Variants in ARMC2 observed in about 807,000 individuals in gnomAD.
The protein encoded by ARMC2 is armadillo repeat containing 2.
ARMC2 carries 67 observed loss-of-function variants against 90.3 expected under a neutral mutation model. That is an observed-to-expected ratio of 0.74 (90% confidence interval 0.61 to 0.91). The LOEUF (loss-of-function observed/expected upper bound fraction) is 0.91. Ranked by LOEUF, ARMC2 falls within the 40% of genes least tolerant of loss-of-function variation. ARMC2 has a pLI of 0.00. For missense variants in ARMC2, 920 were observed against 1,030.9 expected (o/e 0.89, Z 1.47); for synonymous variants, 393 against 393.0 (o/e 1.00, Z 0.00).
At chr6:108,884,445 G>T (rs572770824) in intron 5 of ARMC2, among the ~76,000 whole-genome samples, 1 of 152,246 alleles carries the variant, frequency 6.6e-6, no homozygotes, top group East Asian at 1.9e-4. Context: ...ACTGAAAGAA[G>T]GTATACTGAA....
intron 10 of ARMC2, among the ~76,000 whole-genome samples, chr6:108,920,327 T>G (rs1774429214): frequency 6.6e-6 from 1 of 152,066 alleles, no homozygotes; most frequent in Non-Finnish European, 1.5e-5. Context: ...GTAGATGGGA[T>G]TACAGGCACG....
chr6:109,035,909 C>T, the ARMC2 span, among the ~76,000 whole-genome samples: 91 of 152,280 alleles, frequency 6.0e-4, 1 homozygote, highest in East Asian at 0.018. Context: ...ACCACTATCA[C>T]ATATTAATGA....
At chr6:108,865,776 T>C (rs1775750485) in intron 3 of ARMC2, among the ~76,000 whole-genome samples, 1 of 152,098 alleles carries the variant, frequency 6.6e-6, no homozygotes, top group South Asian at 2.1e-4. Context: ...TCCAGCACTT[T>C]GGGAGGCCAA....
chr6:108,864,552 C>A lies in ARMC2; in HGVS notation c.292-4272C>A, dbSNP rs186688736. 1.9e-3 allele frequency among the ~76,000 whole-genome samples: 289 copies of A among 152,054 alleles called. 2 individuals are homozygous for A. The highest frequency in any genetic ancestry group is 5.9e-4 in the Non-Finnish European group (40 of 67,928). On this transcript the variant is annotated intron_variant, in intron 3 of 17. Transcript: ENST00000392644. The stretch of plus-strand genomic sequence containing the variant: ...ATGAGCCACCACGCCTGGCGGCTTG[C>A]GAGAATGTTTAATATTTGCTTTCTG...
At chr6:108,889,789 C>T (rs1220222218) in intron 5 of ARMC2, among the ~76,000 whole-genome samples, 2 of 151,766 alleles carry the variant, frequency 1.3e-5, no homozygotes, top group African/African-American at 4.9e-5. Flanking sequence ...TCCACTTCTC[C>T]CACTCACTAA....
intron 12 of ARMC2, among the ~76,000 whole-genome samples, chr6:108,950,243 A>G (rs1348302434): frequency 2.0e-5 from 3 of 152,156 alleles, no homozygotes; most frequent in East Asian, 1.9e-4. Context: ...ACTTAGAACC[A>G]TTTGACCCAG....
At chr6:109,045,023 C>CA in the ARMC2 span, among the ~76,000 whole-genome samples, 299 of 140,852 alleles carry the variant, frequency 2.1e-3, 1 homozygote, top group South Asian at 8.6e-3. Context: ...GACTCCATTT[C>CA]AAAAAAAAAA....
At chr6:108,934,545 T>A (rs886319533) in intron 11 of ARMC2, among the ~76,000 whole-genome samples, 2 of 152,204 alleles carry the variant, frequency 1.3e-5, no homozygotes, top group African/African-American at 4.8e-5. Context: ...ATTTTTTCTC[T>A]TTCCTAGAAG....
chr6:109,000,359 G>T, the ARMC2 span: 1 of 564,624 alleles, frequency 1.8e-6, no homozygotes, highest in South Asian at 4.8e-5. Context: ...AAGAAAATGT[G>T]CATCTGTGGG....
At chr6:108,963,281 C>A (rs904854884) in intron 15 of ARMC2, among the ~76,000 whole-genome samples, 5 of 152,168 alleles carry the variant, frequency 3.3e-5, no homozygotes, top group African/African-American at 1.2e-4. Flanking sequence ...TTTCATGTAA[C>A]AATAATTTTA....
At chr6:108,930,343 AT>A (rs979816713) in intron 11 of ARMC2, among the ~76,000 whole-genome samples, 4 of 150,680 alleles carry the variant, frequency 2.7e-5, no homozygotes, top group Admixed American at 6.6e-5. Context: ...TCTACATATA[AT>A]TTTTTTTTCA....
chr6:109,005,932 G>A, the ARMC2 span, among the ~76,000 whole-genome samples: 1 of 152,142 alleles, frequency 6.6e-6, no homozygotes, highest in Admixed American at 6.5e-5. Flanking sequence ...AGGAAGAGAG[G>A]GTAAAGTGGG....
At chr6:109,041,412 ATACT>A in the ARMC2 span, among the ~76,000 whole-genome samples, 1 of 152,234 alleles carries the variant, frequency 6.6e-6, no homozygotes, top group Non-Finnish European at 1.5e-5. Context: ...TCTACCAAAC[ATACT>A]TGTACAAGTA....
At chr6:108,957,883 A>G (rs1380639705) in intron 13 of ARMC2, among the ~76,000 whole-genome samples, 1 of 152,086 alleles carries the variant, frequency 6.6e-6, no homozygotes, top group Admixed American at 6.5e-5. Context: ...GAAGCAGTCT[A>G]TTGCCCCAAC....
the ARMC2 span, among the ~76,000 whole-genome samples, chr6:109,015,071 A>G: frequency 2.0e-5 from 3 of 152,198 alleles, no homozygotes; most frequent in Admixed American, 2.0e-4. Flanking sequence ...TGTTTCCATT[A>G]AAAAATTGTT....
chr6:108,857,512 T>C (rs944713554), intron 2 of ARMC2, among the ~76,000 whole-genome samples: 8 of 152,212 alleles, frequency 5.3e-5, no homozygotes, highest in Non-Finnish European at 8.8e-5. Context: ...TTTTCTTGTC[T>C]TATTGCATTA....
chr6:108,928,951 A>G (rs1240806490), intron 11 of ARMC2, among the ~76,000 whole-genome samples: 1 of 152,210 alleles, frequency 6.6e-6, no homozygotes, highest in Non-Finnish European at 1.5e-5. Flanking sequence ...GGACCCCTGT[A>G]TAAGGATGTG....
intron 7 of ARMC2, among the ~76,000 whole-genome samples, chr6:108,900,762 A>G (rs1363856426): frequency 1.3e-5 from 2 of 152,144 alleles, no homozygotes; most frequent in Admixed American, 6.5e-5. Flanking sequence ...GCGTATGGCC[A>G]TGAGGAGTCA....
Position 108,938,531 on chromosome 6 carries a change from AT to A in ARMC2, c.1596+1535del, listed in dbSNP as rs775311254. ...TACATGTTATACTCAAAAGAGATCT[AT>A]TTATATATTTTATTTTATAATTTAA... is the stretch of plus-strand genomic sequence containing the variant. On this transcript the variant is annotated intron_variant, in intron 12 of 17. Transcript: ENST00000392644. 1.2e-4 allele frequency among the ~76,000 whole-genome samples: 18 copies of A among 145,010 alleles called. No individual in the cohort carries two copies. In the East Asian group the frequency reaches 2.1e-3, roughly 17 times the overall value.
Sources: gnomAD v4.1 joint callset for allele counts (sites outside exome capture counted in the v4.1 genomes callset) on GRCh38, gnomAD v4.1.1 for gene constraint, MANE v1.5 for transcripts, NCBI Gene and HGNC (gene_info 2026-07-23, HGNC 2026-07-21) for gene names.